Variants in EIF4G3 observed in about 807,000 individuals in gnomAD.
The protein encoded by EIF4G3 is eukaryotic translation initiation factor 4 gamma 3, also known as eIF-4-gamma 3.
EIF4G3 carries 34 observed loss-of-function variants against 186.4 expected under a neutral mutation model. The observed-to-expected ratio is 0.18, with a 90% CI of 0.14 to 0.24. The LOEUF (loss-of-function observed/expected upper bound fraction) is 0.24, where lower values mean the gene tolerates loss of function less well. Among genes scored for constraint, EIF4G3 ranks in the 10% least tolerant of loss-of-function variants. The probability of loss-of-function intolerance (pLI) is 1.00; values close to 1 mark genes in which losing one functional copy is unlikely to be tolerated. For synonymous variants in EIF4G3, 673 were observed against 679.5 expected, an observed-to-expected ratio of 0.99 and a Z score of 0.15; for missense variants, 1,536 against 1,948.5, an observed-to-expected ratio of 0.79 and a Z score of 3.99.
At chr1:20,918,609 G>A (rs182168278) in intron 14 of EIF4G3, among the ~76,000 whole-genome samples, 2 of 150,452 alleles carry the variant, frequency 1.3e-5, no homozygotes, top group African/African-American at 4.9e-5. Context: ...TAGTCATTAT[G>A]CAAATACTAG....
At chr1:21,174,515 G>A (rs1414739432) in intron 2 of EIF4G3, among the ~76,000 whole-genome samples, 2 of 152,120 alleles carry the variant, frequency 1.3e-5, no homozygotes, top group Non-Finnish European at 2.9e-5. Context: ...AGTAATTTAC[G>A]TGGTAGCACA....
At chr1:20,974,860 G>C (rs945901011) in intron 10 of EIF4G3, among the ~76,000 whole-genome samples, 1 of 152,126 alleles carries the variant, frequency 6.6e-6, no homozygotes, top group African/African-American at 2.4e-5. Context: ...ATAGAACATG[G>C]ATAATTGATT....
At chr1:21,002,596 T>C (rs2083811024) in intron 5 of EIF4G3, 117 bp downstream of exon 5, 2 of 1,049,360 alleles carry the variant, frequency 1.9e-6, no homozygotes, top group African/African-American at 3.2e-5. Context: ...TAATAATAAA[T>C]CATCTTTGGA....
At position 20,857,408 on chromosome 1, in the gene EIF4G3, T is replaced by A. The variant is rs752648529; in HGVS notation, c.3334A>T (p.Thr1112Ser). The A allele has an allele frequency of 4.0e-5, 65 of 1,613,618 alleles. No homozygotes were observed. Among genetic ancestry groups the A allele is most frequent in the Non-Finnish European group, 4.7e-5 (56 of 1,179,750 alleles). The part of the protein sequence containing the change: ...VLDPSKFLKI[T>S]KPTIDEKIQL... ...ACTTTAAATGTCAGACTCACCTTAG[T>A]GATTTTTAGGAATTTTGAGGGGTCC... Residue 1112 changes from threonine to serine, a missense_variant, in exon 25 of 37, where the codon ACT becomes TCT. Physicochemically the swap from Thr to Ser is moderately conservative, Grantham distance 58. This residue lies in a region of EIF4G3 where 110 missense variants were observed against 166.2 expected (regional missense o/e 0.66). Transcript: ENST00000602326.
At chr1:20,944,583 G>A (rs1165848172) in intron 13 of EIF4G3, among the ~76,000 whole-genome samples, 1 of 151,878 alleles carries the variant, frequency 6.6e-6, no homozygotes, top group African/African-American at 2.4e-5. Context: ...GACAGAGAGA[G>A]AGAGAAAAAG....
chr1:20,842,658 G>A (rs530679401), intron 29 of EIF4G3, among the ~76,000 whole-genome samples: 8 of 151,366 alleles, frequency 5.3e-5, no homozygotes, highest in Admixed American at 4.6e-4. Flanking sequence ...GAGCCACCGC[G>A]CCCGGCTGTA....
chr1:21,097,655 G>A (rs2096407445), intron 2 of EIF4G3, among the ~76,000 whole-genome samples: 1 of 152,106 alleles, frequency 6.6e-6, no homozygotes, highest in Non-Finnish European at 1.5e-5. Flanking sequence ...CTGTAAGAAG[G>A]CCCACACAAA....
chr1:21,057,879 A>C (rs1382992184), intron 3 of EIF4G3, among the ~76,000 whole-genome samples: 1 of 152,212 alleles, frequency 6.6e-6, no homozygotes, highest in Non-Finnish European at 1.5e-5. Flanking sequence ...GTGAATTTTC[A>C]TTCAAGATTT....
intron 9 of EIF4G3, 79 bp from the exon 10 acceptor site, chr1:20,980,527 A>G (rs2077726380): frequency 3.1e-6 from 3 of 961,160 alleles, no homozygotes; most frequent in Admixed American, 3.6e-5. Flanking sequence ...ATAAGAAAGT[A>G]GCTTACTACA....
At chr1:20,915,434 T>C (rs1325498278) in intron 14 of EIF4G3, among the ~76,000 whole-genome samples, 2 of 151,468 alleles carry the variant, frequency 1.3e-5, no homozygotes, top group Admixed American at 1.3e-4. Context: ...GAACATCCCT[T>C]ATAAATTTAA....
intron 15 of EIF4G3, among the ~76,000 whole-genome samples, chr1:20,901,917 A>C (rs1000196488): frequency 2.6e-5 from 4 of 152,314 alleles, no homozygotes; most frequent in African/African-American, 9.6e-5. Context: ...GCTTAATGCA[A>C]TGTTTTTTAA....
intron 29 of EIF4G3, among the ~76,000 whole-genome samples, chr1:20,847,390 C>A (rs938344496): frequency 2.0e-5 from 3 of 152,150 alleles, no homozygotes; most frequent in African/African-American, 7.2e-5. Context: ...GTATTGCAAG[C>A]CTGGCCCAGG....
intron 3 of EIF4G3, among the ~76,000 whole-genome samples, chr1:21,063,379 G>C (rs936546980): frequency 2.0e-5 from 3 of 152,198 alleles, no homozygotes; most frequent in Middle Eastern, 6.8e-3. Context: ...ATTCTGCTGA[G>C]AGAGCGTTAA....
At chr1:21,114,108 T>C (rs933039095) in intron 2 of EIF4G3, among the ~76,000 whole-genome samples, 2 of 152,162 alleles carry the variant, frequency 1.3e-5, no homozygotes, top group African/African-American at 4.8e-5. Context: ...TGGTGGTGGA[T>C]ACAACTGTCC....
At chr1:21,029,309 C>T (rs1394211387) in intron 4 of EIF4G3, among the ~76,000 whole-genome samples, 1 of 151,988 alleles carries the variant, frequency 6.6e-6, no homozygotes, top group Non-Finnish European at 1.5e-5. Context: ...CATGAGCCAC[C>T]ATGCCTGGCC....
intron 2 of EIF4G3, among the ~76,000 whole-genome samples, chr1:21,123,377 A>T (rs570360661): frequency 7.2e-5 from 11 of 152,224 alleles, no homozygotes; most frequent in Admixed American, 2.0e-4. Flanking sequence ...AGCCTGTCCA[A>T]CACGGCAAAA....
At chr1:21,070,853 G>A (rs2095420378) in intron 3 of EIF4G3, among the ~76,000 whole-genome samples, 1 of 152,146 alleles carries the variant, frequency 6.6e-6, no homozygotes. Context: ...CTTTTTGTAA[G>A]TGTAAAAAGA....
At chr1:20,824,084 C>T (rs914766942) in intron 33 of EIF4G3, among the ~76,000 whole-genome samples, 2 of 152,214 alleles carry the variant, frequency 1.3e-5, no homozygotes, top group Non-Finnish European at 1.5e-5. Flanking sequence ...GCAATATGCC[C>T]TTCACATGTA....
intron 2 of EIF4G3, among the ~76,000 whole-genome samples, chr1:21,128,546 A>G (rs1047344186): frequency 2.6e-5 from 4 of 152,162 alleles, no homozygotes; most frequent in Admixed American, 6.6e-5. Flanking sequence ...TGTCAATTAT[A>G]TAACTTTGCT....
Sources: allele counts gnomAD v4.1 joint callset (sites outside exome capture counted in the v4.1 genomes callset), GRCh38; gene constraint gnomAD v4.1.1; regional missense constraint gnomAD v4.1.1; transcripts MANE v1.5; gene names NCBI Gene and HGNC (gene_info 2026-07-23, HGNC 2026-07-21).